The following NLRP1 variants were observed in gnomAD, a reference collection of about 807,000 sequenced individuals.
NLRP1 encodes NACHT, LRR and PYD domains-containing protein 1.
In NLRP1, 94 loss-of-function variants were observed where a neutral mutation model predicts 136.7. The observed-to-expected ratio is 0.69, with a 90% CI of 0.58 to 0.82. NLRP1 has a LOEUF of 0.82. NLRP1 is among the 40% of genes least tolerant of loss of function. The pLI is 0.00. For missense variants in NLRP1, 1,575 were observed against 1,802.7 expected (o/e 0.87, Z 2.29); for synonymous variants, 690 against 725.1 (o/e 0.95, Z 0.78).
At chr17:5,511,260 G>A (rs950389065), downstream of NLRP1, among the ~76,000 whole-genome samples, 14 of 151,978 alleles carry the variant, frequency 9.2e-5, no homozygotes, top group African/African-American at 2.9e-4. Flanking sequence ...GTGAAACCCC[G>A]TCTCTACTAA....
chr17:5,540,247 G>A (rs1054704614), intron 6 of NLRP1, among the ~76,000 whole-genome samples: 4 of 152,212 alleles, frequency 2.6e-5, no homozygotes, highest in Admixed American at 2.6e-4. Flanking sequence ...GACTTTGTAC[G>A]TACGGATGTG....
intron 14 of NLRP1, among the ~76,000 whole-genome samples, chr17:5,520,450 C>A (rs991368795): frequency 2.0e-5 from 3 of 152,202 alleles, no homozygotes; most frequent in African/African-American, 7.2e-5. Flanking sequence ...TTCCTTAGAT[C>A]TTCCTCAAAT....
chr17:5,536,961 G>A (rs755826204), intron 7 of NLRP1, 21 bp from the exon 8 acceptor site: 9 of 1,555,070 alleles, frequency 5.8e-6, no homozygotes, highest in Middle Eastern at 1.7e-4. Context: ...AAAGGGAGCC[G>A]GGTCCTCCTG....
intron 3 of NLRP1, among the ~76,000 whole-genome samples, chr17:5,562,866 A>G (rs1914914339): frequency 6.6e-6 from 1 of 152,144 alleles, no homozygotes; most frequent in African/African-American, 2.4e-5. Flanking sequence ...CCCCCACTGG[A>G]CTGTTGAGGC....
chr17:5,582,996 G>A (rs956999943), intron 1 of NLRP1, 150 bp from the exon 2 acceptor site: 1 of 637,996 alleles, frequency 1.6e-6, no homozygotes, highest in African/African-American at 1.9e-5. Context: ...CTAGAGGCTT[G>A]TCTGAAGAAT....
In NLRP1 at chr17:5,536,889, C is replaced by A; in HGVS notation, c.2922G>T (p.Leu974=). 1 of 1,613,890 alleles carries A rather than the reference C, an allele frequency of 6.2e-7. No homozygotes were observed. The highest frequency in any genetic ancestry group is 2.2e-5 in the East Asian group (1 of 44,862). ...TGAGCAGCTGAGGTTTCTCCTGCTC[C>A]AGGGCCCTCAGTTCCTGCCTCATCT... ...SDEMRQELRA[L]EQEKPQLLIF... The change falls in exon 8 of 17, where the codon CTG becomes CTT. Residue 974 remains leucine, a synonymous_variant. Transcript: ENST00000572272.
intron 11 of NLRP1, among the ~76,000 whole-genome samples, chr17:5,532,066 A>AACCCCC (rs1344505821): frequency 1.3e-5 from 2 of 152,174 alleles, no homozygotes; most frequent in African/African-American, 4.8e-5. Context: ...AATATGGTGA[A>AACCCCC]ACCCCCATCT....
intron 10 of NLRP1, 72 bp downstream of exon 10, chr17:5,533,232 C>T (rs1188789274): frequency 1.2e-5 from 19 of 1,548,236 alleles, no homozygotes; most frequent in Admixed American, 2.0e-5. Context: ...CTCTCCCCAG[C>T]ATGCCCAGGT....
chr17:5,501,835 G>A (rs200674144), exon 16 of NLRP1: 1 of 1,613,930 alleles, frequency 6.2e-7, no homozygotes, highest in East Asian at 2.2e-5. Context: ...TGGCGTCTCT[G>A]TTGCACCTGA....
intron 9 of NLRP1, among the ~76,000 whole-genome samples, 167 bp from the exon 10 acceptor site, chr17:5,533,551 G>GTTTTTTTT (rs35006823): frequency 1.1e-5 from 1 of 90,030 alleles, no homozygotes; most frequent in Non-Finnish European, 2.1e-5. Context: ...GTGAGACTCT[G>GTTTTTTTT]TTTTTTTTTT....
chr17:5,559,623 C>G lies in NLRP1; in HGVS notation c.1073G>C (p.Gly358Ala). ...GTAGAAGACATGCTGGAAGCGGTCCCCATACAGCTGGCCTCTCCCCCAGGC... is the reference window on the plus strand; with the variant it reads ...GTAGAAGACATGCTGGAAGCGGTCCGCATACAGCTGGCCTCTCCCCCAGGC... ...KEAWGRGQLY[G>A]DRFQHVFYFS... The change falls in exon 4 of 17, where the codon GGG becomes GCG. Residue 358 changes from glycine (G) to alanine (A), a missense_variant. Gly to Ala is a moderately conservative substitution (Grantham distance 60, BLOSUM62 0). Coordinates refer to ENST00000572272, the MANE Select transcript of NLRP1 (RefSeq NM_033004.4). 1 of 1,614,226 alleles carries G rather than the reference C, an allele frequency of 6.2e-7. No individual in the cohort carries two copies. The highest frequency in any genetic ancestry group is 8.5e-7 in the Non-Finnish European group (1 of 1,180,032).
chr17:5,523,118 T>C (rs149337586), intron 12 of NLRP1, among the ~76,000 whole-genome samples: 1 of 151,824 alleles, frequency 6.6e-6, no homozygotes, highest in African/African-American at 2.4e-5. Context: ...GCAGTAGCAG[T>C]TGGGTGAAGA....
intron 3 of NLRP1, among the ~76,000 whole-genome samples, chr17:5,568,487 TG>T (rs564593022): frequency 1.7e-4 from 26 of 152,320 alleles, no homozygotes; most frequent in African/African-American, 6.3e-4. Context: ...TGAGTTTCTT[TG>T]AATTTCCTCA....
In NLRP1 at chr17:5,553,400, G is replaced by C; in HGVS notation, c.2514C>G (p.Leu838=). Residue 838 remains leucine, a synonymous_variant, in exon 5 of 17, where the codon CTC becomes CTG. Transcript: ENST00000572272. The part of the protein sequence containing the change: ...LCKTLRRPRC[L]LETLRLAGCG... The stretch of plus-strand genomic sequence containing the variant: ...GCCAGACTCACCGCAGGGTCTCCAG[G>C]AGGCAGCGAGGGCGTCTCAGGGTCT... 6.2e-7 allele frequency: 1 copy of C among 1,613,138 alleles called. No homozygotes were observed. Among genetic ancestry groups the C allele is most frequent in the Non-Finnish European group, 8.5e-7 (1 of 1,179,536 alleles).
Position 5,519,089 on chromosome 17 carries a change from G to A in NLRP1, c.3916-1202C>T, listed in dbSNP as rs1200380635. Among the ~76,000 whole-genome samples the A allele has an allele frequency of 6.0e-5, 9 of 150,592 alleles. No individual in the cohort carries two copies. In the South Asian group the frequency reaches 1.1e-3, roughly 18 times the overall value. The stretch of plus-strand genomic sequence containing the variant: ...ACAATCTTGGCTCACTGCAACCTCC[G>A]CCTCCCAGGTTCATGCCATTCTCCT... On this transcript the variant is annotated intron_variant, in intron 14 of 16. Transcript: ENST00000572272.
chr17:5,558,931 C>G lies in NLRP1; in HGVS notation c.1765G>C (p.Asp589His). The G allele has an allele frequency of 6.2e-7, 1 of 1,614,154 alleles. No homozygotes were observed. Among genetic ancestry groups the G allele is most frequent in the African/African-American group, 1.3e-5 (1 of 75,048 alleles). ...TCTAACCCATGCTTCCTGAGGTCAT[C>G]TGGACTGAAAAGGGTCTTTTTTTGC... is the stretch of plus-strand genomic sequence containing the variant. ...IWQKKTLFSP[D>H]DLRKHGLDGA... The change falls in exon 4 of 17, where the codon GAT (aspartate) becomes CAT (histidine). Residue 589 changes from aspartate to histidine, a missense_variant. Coordinates refer to ENST00000572272, the MANE Select transcript of NLRP1 (RefSeq NM_033004.4).
At chr17:5,578,929 C>T (rs899379117) in intron 3 of NLRP1, among the ~76,000 whole-genome samples, 6 of 152,080 alleles carry the variant, frequency 3.9e-5, no homozygotes, top group Non-Finnish European at 5.9e-5. Flanking sequence ...TACTATGCAG[C>T]CATAAAAAAG....
downstream of NLRP1, chr17:5,512,449 G>A: frequency 1.3e-6 from 1 of 768,190 alleles, no homozygotes; most frequent in South Asian, 1.5e-5. Context: ...TCCACGACCA[G>A]GTTTTCTACA....
chr17:5,540,829 G>A (rs1911777166), intron 6 of NLRP1, among the ~76,000 whole-genome samples: 1 of 152,150 alleles, frequency 6.6e-6, no homozygotes, highest in Admixed American at 6.5e-5. Context: ...GCCTTGGGAA[G>A]GGCAGAGGTT....
Sources: allele counts gnomAD v4.1 joint callset (sites outside exome capture counted in the v4.1 genomes callset), GRCh38; gene constraint gnomAD v4.1.1; transcripts MANE v1.5; gene names NCBI Gene and HGNC (gene_info 2026-07-23, HGNC 2026-07-21).